Variants in AGAP1 observed in about 807,000 individuals in gnomAD.
AGAP1 encodes ArfGAP with GTPase domain, ankyrin repeat and PH domain 1.
A neutral mutation model predicts 105.3 loss-of-function variants in AGAP1; 29 were observed. The observed-to-expected ratio is 0.28, with a 90% confidence interval of 0.21 to 0.38. The LOEUF (loss-of-function observed/expected upper bound fraction) is 0.38, where lower values mean the gene tolerates loss of function less well. AGAP1 is among the 10% of genes least tolerant of loss of function. The pLI, the probability that AGAP1 is intolerant of heterozygous loss-of-function variation, is 1.00. For synonymous variants in AGAP1, 509 were observed against 485.9 expected, an observed-to-expected ratio of 1.05 and a Z score of -0.63; for missense variants, 998 against 1,165.1, an observed-to-expected ratio of 0.86 and a Z score of 2.09.
In AGAP1 at chr2:236,104,728, A is replaced by G. The variant is rs2059442558; in HGVS notation, c.2115-15464A>G. Among the ~76,000 whole-genome samples, 1 of 152,166 alleles carries G rather than the reference A, an allele frequency of 6.6e-6. No homozygotes were observed. The highest frequency in any genetic ancestry group is 1.5e-5 in the Non-Finnish European group (1 of 68,034). On this transcript the variant is annotated intron_variant, in intron 16 of 17. Transcript: ENST00000304032. The surrounding 1 kb of genome is among the most constrained non-coding windows in gnomAD (Gnocchi z 4.7). ...ACATGGTGAAACCCCGTCTCTACCAAAAATACAAAAATTAGCTGGGCATGG... is the reference window on the plus strand; with the variant it reads ...ACATGGTGAAACCCCGTCTCTACCAGAAATACAAAAATTAGCTGGGCATGG...
intron 17 of AGAP1, among the ~76,000 whole-genome samples, chr2:236,122,614 A>C (rs537769999): frequency 3.9e-5 from 6 of 152,158 alleles, no homozygotes; most frequent in African/African-American, 1.2e-4. Flanking sequence ...TCTAATAATC[A>C]ATCACAGATC....
Position 235,660,014 on chromosome 2 carries a change from C to T in AGAP1, c.164-49165C>T, listed in dbSNP as rs1252816239. Among the ~76,000 whole-genome samples the T allele has an allele frequency of 6.6e-6, 1 of 152,254 alleles. No individual in the cohort carries two copies. The highest frequency in any genetic ancestry group is 6.5e-5 in the Admixed American group (1 of 15,288). ...AGACCCCTCTGTCTGACCAGCATCC[C>T]ATTCCCTGAAGTGAAGCAGCTGCCA... is the stretch of plus-strand genomic sequence containing the variant. On this transcript the variant is annotated intron_variant, in intron 1 of 17. Transcript: ENST00000304032. This position sits in a 1 kb window ranked among gnomAD's most constrained non-coding sequence, Gnocchi z 5.3.
intron 9 of AGAP1, among the ~76,000 whole-genome samples, chr2:235,832,376 A>T (rs1038488306): frequency 1.3e-5 from 2 of 152,158 alleles, no homozygotes; most frequent in Non-Finnish European, 2.9e-5. Context: ...TGCCTGTAAC[A>T]TATCATTAGC....
At position 235,908,842 on chromosome 2, in the gene AGAP1, C is replaced by G; in HGVS notation, c.1260C>G (p.Ile420Met). 6.2e-7 allele frequency: 1 copy of G among 1,614,176 alleles called. No individual in the cohort carries two copies. The highest frequency in any genetic ancestry group is 8.5e-7 in the Non-Finnish European group (1 of 1,180,030). ...PPRATSACAP[I>M]SSPKTNGLSK... The stretch of plus-strand genomic sequence containing the variant: ...GAGCCACGTCAGCCTGCGCACCCAT[C>G]TCCAGCCCTAAAACCAATGGCCTAT... Residue 420 changes from isoleucine (I) to methionine (M), a missense_variant, in exon 11 of 18, where the codon ATC becomes ATG. Ile to Met is a conservative substitution (Grantham distance 10, BLOSUM62 1). Coordinates refer to ENST00000304032, the MANE Select transcript of AGAP1 (RefSeq NM_001037131.3). This position sits in a 1 kb window ranked among gnomAD's most constrained non-coding sequence, Gnocchi z 4.4.
At chr2:236,108,881 G>A (rs181061078) in intron 16 of AGAP1, among the ~76,000 whole-genome samples, 31 of 152,192 alleles carry the variant, frequency 2.0e-4, no homozygotes, top group Non-Finnish European at 3.5e-4. Flanking sequence ...CCCAGACCCC[G>A]CCACAAGACA....
intron 6 of AGAP1, among the ~76,000 whole-genome samples, chr2:235,759,797 T>A (rs1167925880): frequency 6.6e-6 from 1 of 152,198 alleles, no homozygotes; most frequent in Admixed American, 6.5e-5. Context: ...CGAATTCAGT[T>A]CTTAACCAAA....
chr2:236,047,598 C>CTTTTTTTTTTTT lies in AGAP1; in HGVS notation c.1892-1450_1892-1439dup, dbSNP rs59007077. ...GTCACAGACCTCTCTTCTCACATTT[C>CTTTTTTTTTTTT]TTTTTTTTTTTTTTTTTTTTTTGAG... On this transcript the variant is annotated intron_variant, in intron 15 of 17. Transcript: ENST00000304032. Among the ~76,000 whole-genome samples the CTTTTTTTTTTTT allele has an allele frequency of 2.1e-3, 146 of 68,284 alleles. 11 individuals carry two copies. Among genetic ancestry groups the CTTTTTTTTTTTT allele is most frequent in the East Asian group, 0.014 (24 of 1,680 alleles). The allele number at this position is 68,284 out of a possible 152,430, so 44.8% of individuals were successfully genotyped here.
rs1231489434 is a variant in AGAP1, at chr2:235,968,549, C to T, written c.1571C>T (p.Ala524Val). 1 of 1,266,158 alleles carries T rather than the reference C, an allele frequency of 7.9e-7. No individual in the cohort carries two copies. The highest frequency in any genetic ancestry group is 1.1e-6 in the Non-Finnish European group (1 of 945,766). The allele number at this position is 1,266,158 out of a possible 1,614,324, so 78.4% of individuals were successfully genotyped here. A position where few individuals can be genotyped will look rare whatever the true frequency, so the allele number is the denominator to read the frequency against. Reference sequence around the variant, plus strand: ...CTCGACCCGCCCCCCTCCCCTCACGCCAACAGAAAGAAGCACCGAAGGAAG... The same window carrying T: ...CTCGACCCGCCCCCCTCCCCTCACGTCAACAGAAAGAAGCACCGAAGGAAG... ...PKLDPPPSPH[A>V]NRKKHRRKKS... Residue 524 changes from alanine (A) to valine (V), a missense_variant, in exon 13 of 18, where the codon GCC (alanine) becomes GTC (valine). Around this residue, in one of 3 missense-constraint regions of AGAP1, gnomAD observed 735 missense variants for 833.4 expected, o/e 0.88. Transcript: ENST00000304032.
chr2:235,494,618 G>A lies in AGAP1; in HGVS notation c.-69G>A. The A allele has an allele frequency of 3.4e-6, 3 of 886,362 alleles. No individual in the cohort carries two copies. The highest frequency in any genetic ancestry group is 4.0e-6 in the Non-Finnish European group (3 of 745,136). The allele number at this position is 886,362 out of a possible 1,614,324, so 54.9% of individuals were successfully genotyped here. On this transcript the variant is annotated 5_prime_UTR_variant, in exon 1 of 18. Coordinates refer to ENST00000304032, the MANE Select transcript of AGAP1 (RefSeq NM_001037131.3). ...GGGCTGCGGCGCCCCGGGCTCGGCG[G>A]CCCGCGGGCCCCGGGGCGCGGGGCG... is the stretch of plus-strand genomic sequence containing the variant.
rs1402329529 is a variant in AGAP1, at chr2:235,877,835, C to G, written c.1051-5510C>G. On this transcript the variant is annotated intron_variant, in intron 9 of 17. Coordinates refer to ENST00000304032, the MANE Select transcript of AGAP1 (RefSeq NM_001037131.3). The surrounding 1 kb of genome is among the most constrained non-coding windows in gnomAD (Gnocchi z 4.3). ...CTCTTGGGTACACCCAACCACTGGT[C>G]TAAAGTGGGCCACACTTTGAGCTGG... Among the ~76,000 whole-genome samples, 1 of 152,216 alleles carries G rather than the reference C, an allele frequency of 6.6e-6. No individual in the cohort carries two copies. Among genetic ancestry groups the G allele is most frequent in the Admixed American group, 6.5e-5 (1 of 15,284 alleles).
At chr2:235,629,405 G>A (rs1240212398) in intron 1 of AGAP1, among the ~76,000 whole-genome samples, 1 of 151,858 alleles carries the variant, frequency 6.6e-6, no homozygotes, top group Non-Finnish European at 1.5e-5. Context: ...AGACTTGTTG[G>A]GGAGCAAGGA....
In AGAP1 at chr2:236,049,293, G is replaced by A. The variant is rs770622729; in HGVS notation, c.2114+12G>A. ...GTAGACTCCACAAGGTAGGAACTTT[G>A]GAAGATGCCTGGCTCCCGACACGTT... On this transcript the variant is annotated intron_variant, in intron 16 of 17. Transcript: ENST00000304032. 6.2e-7 allele frequency: 1 copy of A among 1,603,484 alleles called. No individual in the cohort carries two copies. The highest frequency in any genetic ancestry group is 8.5e-7 in the Non-Finnish European group (1 of 1,171,344).
At chr2:235,697,302 C>T (rs796440907) in intron 1 of AGAP1, among the ~76,000 whole-genome samples, 9 of 152,356 alleles carry the variant, frequency 5.9e-5, no homozygotes, top group African/African-American at 2.2e-4. Context: ...TTTGAACCAG[C>T]ATTGCCGCAT....
intron 1 of AGAP1, among the ~76,000 whole-genome samples, chr2:235,606,147 G>T (rs1364879425): frequency 2.0e-5 from 3 of 152,216 alleles, no homozygotes; most frequent in Non-Finnish European, 2.9e-5. Context: ...TTTCACCGGT[G>T]AGAAGTAAGG....
intron 1 of AGAP1, among the ~76,000 whole-genome samples, chr2:235,572,409 G>T (rs1372223006): frequency 6.6e-6 from 1 of 151,982 alleles, no homozygotes; most frequent in East Asian, 1.9e-4. Flanking sequence ...AGTTCTTCAG[G>T]CAGTGGGGGT....
At chr2:235,671,594 G>C (rs1178485563) in intron 1 of AGAP1, among the ~76,000 whole-genome samples, 2 of 152,212 alleles carry the variant, frequency 1.3e-5, no homozygotes, top group African/African-American at 2.4e-5. Flanking sequence ...TGGCTGTAAG[G>C]ACACCTCACT....
chr2:235,827,685 C>T (rs1174435544), intron 9 of AGAP1, among the ~76,000 whole-genome samples: 4 of 152,192 alleles, frequency 2.6e-5, no homozygotes, highest in Admixed American at 2.0e-4. Flanking sequence ...GTAACATCCA[C>T]GGCTGAATCG....
chr2:235,623,278 A>G lies in AGAP1; in HGVS notation c.164-85901A>G, dbSNP rs188197966. On this transcript the variant is annotated intron_variant, in intron 1 of 17. Coordinates refer to ENST00000304032, the MANE Select transcript of AGAP1 (RefSeq NM_001037131.3). The surrounding 1 kb of genome is among the most constrained non-coding windows in gnomAD (Gnocchi z 4.5). The stretch of plus-strand genomic sequence containing the variant: ...GACCTCTGCTTGTTGATCGTATTAC[A>G]GCATGTTGGGCATGTCAAATGAATC... Among the ~76,000 whole-genome samples, 17 of 152,172 alleles carry G rather than the reference A, an allele frequency of 1.1e-4. 1 individual carries two copies. In the East Asian group the frequency reaches 3.3e-3, roughly 29 times the overall value.
intron 1 of AGAP1, among the ~76,000 whole-genome samples, chr2:235,534,478 C>G (rs1943145095): frequency 6.6e-6 from 1 of 152,158 alleles, no homozygotes; most frequent in Admixed American, 6.5e-5. Flanking sequence ...TGCTGTTTTA[C>G]TAGATCTGGT....
Sources: allele counts gnomAD v4.1 joint callset (sites outside exome capture counted in the v4.1 genomes callset), GRCh38; gene constraint gnomAD v4.1.1; regional missense constraint gnomAD v4.1.1; non-coding constraint Gnocchi (gnomAD v3.1); transcripts MANE v1.5; gene names NCBI Gene and HGNC (gene_info 2026-07-23, HGNC 2026-07-21).